Variants in MAP4K3 observed in about 807,000 individuals in gnomAD.
MAP4K3 encodes the protein mitogen-activated protein kinase kinase kinase kinase 3.
Under a neutral mutation model 143.5 loss-of-function variants are expected in MAP4K3, and 94 were observed. The ratio of observed to expected loss-of-function variants is 0.65; its 90% CI spans 0.55 to 0.78. The LOEUF (loss-of-function observed/expected upper bound fraction) is 0.78. MAP4K3 is among the 30% of genes least tolerant of loss of function. The pLI, the probability that MAP4K3 is intolerant of heterozygous loss-of-function variation, is 0.00. For synonymous variants in MAP4K3, 416 were observed against 347.2 expected, an observed-to-expected ratio of 1.20 and a Z score of -2.20; for missense variants, 1,077 against 1,068.1, an observed-to-expected ratio of 1.01 and a Z score of -0.12.
intron 2 of MAP4K3, among the ~76,000 whole-genome samples, chr2:39,358,252 G>A (rs983744784): frequency 7.9e-5 from 12 of 152,130 alleles, no homozygotes; most frequent in African/African-American, 2.9e-4. Context: ...ACTGATGTCT[G>A]CATGTCTTTG....
chr2:39,355,114 C>T (rs568781904), intron 3 of MAP4K3, among the ~76,000 whole-genome samples: 41 of 152,166 alleles, frequency 2.7e-4, no homozygotes, highest in South Asian at 1.7e-3. Flanking sequence ...CCTGTAATCC[C>T]GGCACTATGG....
chr2:39,368,372 T>C (rs1399970850), intron 2 of MAP4K3, among the ~76,000 whole-genome samples: 1 of 152,134 alleles, frequency 6.6e-6, no homozygotes, highest in Non-Finnish European at 1.5e-5. Flanking sequence ...GACATATTGT[T>C]TAAAATAGTT....
chr2:39,393,438 C>T (rs1194499830), intron 1 of MAP4K3, among the ~76,000 whole-genome samples: 1 of 152,134 alleles, frequency 6.6e-6, no homozygotes, highest in East Asian at 1.9e-4. Context: ...TAGAACCTAT[C>T]CATTTCAGAA....
intron 3 of MAP4K3, 144 bp downstream of exon 3, chr2:39,356,104 TA>T (rs1197410104): frequency 3.8e-5 from 22 of 584,410 alleles, no homozygotes; most frequent in Non-Finnish European, 6.4e-5. Context: ...AGGTCCTAAG[TA>T]AAAATTCCAT....
intron 15 of MAP4K3, among the ~76,000 whole-genome samples, 155 bp downstream of exon 15, chr2:39,307,788 T>C (rs1682767705): frequency 6.6e-6 from 1 of 152,084 alleles, no homozygotes. Context: ...TAACTTGTTA[T>C]GGGAAAAAAC....
chr2:39,360,273 G>A (rs924693121), intron 2 of MAP4K3, among the ~76,000 whole-genome samples: 24 of 152,304 alleles, frequency 1.6e-4, no homozygotes, highest in African/African-American at 5.8e-4. Flanking sequence ...GTTCCCAACA[G>A]GTTCCTCATC....
intron 22 of MAP4K3, among the ~76,000 whole-genome samples, chr2:39,282,194 C>CAAA (rs58168334): frequency 4.7e-5 from 5 of 106,178 alleles, no homozygotes; most frequent in African/African-American, 1.4e-4. Flanking sequence ...GACTCCGTCT[C>CAAA]AAAAAAAAAA....
intron 12 of MAP4K3, among the ~76,000 whole-genome samples, chr2:39,324,289 C>T (rs1475816782): frequency 6.6e-6 from 1 of 151,964 alleles, no homozygotes; most frequent in African/African-American, 2.4e-5. Context: ...CTCCTGTAAT[C>T]CCAGCTACTC....
intron 15 of MAP4K3, among the ~76,000 whole-genome samples, chr2:39,301,211 A>C (rs17023640): frequency 0.12 from 18,684 of 152,200 alleles, 1,683 homozygotes; most frequent in African/African-American, 0.26. Flanking sequence ...TATTTGTGTT[A>C]TTCCATGCAT....
At chr2:39,306,811 A>G (rs996651615) in intron 15 of MAP4K3, among the ~76,000 whole-genome samples, 8 of 152,198 alleles carry the variant, frequency 5.3e-5, no homozygotes, top group Non-Finnish European at 8.8e-5. Flanking sequence ...CATTAGTCTT[A>G]GTCCCTCCCA....
chr2:39,339,717 T>C (rs950698455), intron 4 of MAP4K3, among the ~76,000 whole-genome samples: 27 of 152,114 alleles, frequency 1.8e-4, no homozygotes, highest in Admixed American at 1.8e-3. Context: ...ACATGCCTCC[T>C]CTTAGAATTT....
rs114542786 is a variant in MAP4K3, at chr2:39,301,254, A to G, written c.1120-1453T>C. 7.5e-3 allele frequency among the ~76,000 whole-genome samples: 1,142 copies of G among 152,354 alleles called. 17 individuals carry two copies. Among genetic ancestry groups the G allele is most frequent in the African/African-American group, 0.026 (1,087 of 41,586 alleles). On this transcript the variant is annotated intron_variant, in intron 15 of 33. Coordinates refer to ENST00000263881, the MANE Select transcript of MAP4K3 (RefSeq NM_003618.4). ...TGTTCTTATCAGTGTGAGAAAAGAT[A>G]ACACATCATAAAAAAGACTAGTTGA...
intron 1 of MAP4K3, among the ~76,000 whole-genome samples, chr2:39,378,802 T>A (rs1666287573): frequency 6.6e-6 from 1 of 151,846 alleles, no homozygotes; most frequent in African/African-American, 2.4e-5. Flanking sequence ...AAAATCAAAT[T>A]ATAGATTCCT....
chr2:39,337,752 GTTTTTTTTTT>G (rs570853243), intron 4 of MAP4K3, among the ~76,000 whole-genome samples, 171 bp from the exon 5 acceptor site: 30 of 70,518 alleles, frequency 4.3e-4, no homozygotes, highest in South Asian at 2.3e-3. Flanking sequence ...CCTGGCTCCA[GTTTTTTTTTT>G]TTTTTTTTTT....
At position 39,331,901 on chromosome 2, in the gene MAP4K3, A is replaced by G; in HGVS notation, c.530+16T>C. On this transcript the variant is annotated intron_variant, in intron 8 of 33. Coordinates refer to ENST00000263881, the MANE Select transcript of MAP4K3 (RefSeq NM_003618.4). Reference sequence around the variant, plus strand: ...TGATAGAACAAAGTATTAAATATCAATTAAAATACAATTACCAATATGGTG... The same window carrying G: ...TGATAGAACAAAGTATTAAATATCAGTTAAAATACAATTACCAATATGGTG... 3 of 1,511,820 alleles carry G rather than the reference A, an allele frequency of 2.0e-6. No homozygotes were observed. The highest frequency in any genetic ancestry group is 1.4e-5 in the African/African-American group (1 of 72,868). 93.7% of individuals were successfully genotyped at this position (1,511,820 alleles called of 1,614,324 possible).
At chr2:39,334,376 A>G (rs1055419681) in intron 6 of MAP4K3, among the ~76,000 whole-genome samples, 1 of 151,790 alleles carries the variant, frequency 6.6e-6, no homozygotes, top group African/African-American at 2.4e-5. Context: ...AATACTGGGA[A>G]CCCTCCTACT....
At chr2:39,417,215 C>CTTTTTT (rs1243263619) in intron 1 of MAP4K3, among the ~76,000 whole-genome samples, 7 of 133,796 alleles carry the variant, frequency 5.2e-5, no homozygotes, top group Non-Finnish European at 6.5e-5. Flanking sequence ...GGTTTCTTTT[C>CTTTTTT]TTTTTTTTTT....
At chr2:39,264,336 ACTT>A (rs1680686547) in intron 28 of MAP4K3, among the ~76,000 whole-genome samples, 1 of 152,348 alleles carries the variant, frequency 6.6e-6, no homozygotes, top group Non-Finnish European at 1.5e-5. Context: ...TGAAATTAAT[ACTT>A]CAATAGGTTT....
chr2:39,260,920 A>G lies in MAP4K3; in HGVS notation c.2137-143T>C, dbSNP rs146125708. 4.8e-4 allele frequency: 284 copies of G among 589,978 alleles called. 5 individuals are homozygous for G. The East Asian group carries it at 7.9e-3, about 16-fold the overall frequency. The allele number at this position is 589,978 out of a possible 1,614,324, so 36.5% of individuals were successfully genotyped here. On this transcript the variant is annotated intron_variant, in intron 28 of 33. Transcript: ENST00000263881. ...TAATGCAGAAAAATCTAAATTATGG[A>G]CTCTCTTTTATAAACATTTTAGGTT... is the stretch of plus-strand genomic sequence containing the variant.
Sources: gnomAD v4.1 joint callset for allele counts (sites outside exome capture counted in the v4.1 genomes callset) on GRCh38, gnomAD v4.1.1 for gene constraint, MANE v1.5 for transcripts, NCBI Gene and HGNC (gene_info 2026-07-23, HGNC 2026-07-21) for gene names.